Variants in CAMTA1 observed in about 807,000 individuals in gnomAD.
The protein encoded by CAMTA1 is calmodulin binding transcription activator 1.
Under a neutral mutation model 170.9 loss-of-function variants are expected in CAMTA1, and 27 were observed. That is an observed-to-expected ratio of 0.16 (90% CI 0.12 to 0.22). The LOEUF is 0.22. CAMTA1 is among the 10% of genes least tolerant of loss of function. The pLI, the probability that CAMTA1 is intolerant of heterozygous loss-of-function variation, is 1.00. For missense variants in CAMTA1, 1,619 were observed against 2,217.2 expected (o/e 0.73, Z 5.42); for synonymous variants, 833 against 891.5 (o/e 0.93, Z 1.17).
chr1:7,628,533 C>T (rs1466035450), intron 6 of CAMTA1, among the ~76,000 whole-genome samples: 1 of 152,262 alleles, frequency 6.6e-6, no homozygotes, highest in Non-Finnish European at 1.5e-5. Flanking sequence ...TAGCACCTCT[C>T]AGTCCAGCAG....
At chr1:7,645,671 A>C (rs1182869065) in intron 7 of CAMTA1, among the ~76,000 whole-genome samples, 1 of 152,182 alleles carries the variant, frequency 6.6e-6, no homozygotes, top group Non-Finnish European at 1.5e-5. Context: ...GTTTAGCTCC[A>C]CCCTGCCTGC....
At chr1:7,021,077 G>T (rs1297763749) in intron 3 of CAMTA1, among the ~76,000 whole-genome samples, 1 of 152,244 alleles carries the variant, frequency 6.6e-6, no homozygotes, top group East Asian at 1.9e-4. Context: ...GACCTGCCCG[G>T]GGGCTCCATG....
intron 5 of CAMTA1, among the ~76,000 whole-genome samples, chr1:7,398,191 CTCTATATATATATATATATA>C (rs1327845184): frequency 1.4e-3 from 38 of 26,902 alleles, no homozygotes; most frequent in African/African-American, 5.6e-3. Flanking sequence ...CTCTCTCTCT[CTCTATATATATATATATATA>C]TATATATATA....
At chr1:6,995,130 A>G (rs1373786233) in intron 3 of CAMTA1, among the ~76,000 whole-genome samples, 7 of 151,920 alleles carry the variant, frequency 4.6e-5, no homozygotes, top group Admixed American at 4.6e-4. Context: ...AAAAAAATAA[A>G]TCACCAAGGC....
intron 3 of CAMTA1, among the ~76,000 whole-genome samples, chr1:6,912,998 G>A (rs1169893391): frequency 6.6e-6 from 1 of 152,182 alleles, no homozygotes; most frequent in Non-Finnish European, 1.5e-5. Context: ...GCACCTCCCT[G>A]TTTTTGGCTA....
chr1:7,727,247 T>C lies in CAMTA1; in HGVS notation c.2915-5201T>C, dbSNP rs373719096. On this transcript the variant is annotated intron_variant, in intron 11 of 22. Coordinates refer to ENST00000303635, the MANE Select transcript of CAMTA1 (RefSeq NM_015215.4). ...ACGCCATTCTCCTGCCTCAGCCTCC[T>C]GAGTAGCTGGAACTACAGGCGCCCG... 2.6e-5 allele frequency among the ~76,000 whole-genome samples: 4 copies of C among 151,624 alleles called. No individual in the cohort carries two copies. In the East Asian group the frequency reaches 7.8e-4, roughly 30 times the overall value.
intron 6 of CAMTA1, among the ~76,000 whole-genome samples, chr1:7,480,813 C>G (rs952217347): frequency 1.3e-5 from 2 of 152,136 alleles, no homozygotes; most frequent in African/African-American, 4.8e-5. Context: ...CAACTGTATG[C>G]TAGTGACTCC....
chr1:7,706,122 C>T (rs2149588211), intron 11 of CAMTA1, among the ~76,000 whole-genome samples: 1 of 152,330 alleles, frequency 6.6e-6, no homozygotes, highest in East Asian at 1.9e-4. Flanking sequence ...TCTTCTTAAT[C>T]AGTTGCCTCA....
Position 7,391,779 on chromosome 1 carries a change from T to C in CAMTA1, c.439-76051T>C, listed in dbSNP as rs1422387960. On this transcript the variant is annotated intron_variant, in intron 5 of 22. Coordinates refer to ENST00000303635, the MANE Select transcript of CAMTA1 (RefSeq NM_015215.4). ...CATACAGGATGTGGCCTTTTGAGTC[T>C]GGCTTCTTTCGCCAGACATAATGAT... Among the ~76,000 whole-genome samples, 4 of 152,242 alleles carry C rather than the reference T, an allele frequency of 2.6e-5. No homozygotes were observed. The East Asian group carries it at 7.7e-4, about 29-fold the overall frequency.
At chr1:7,387,686 G>A (rs145374880) in intron 5 of CAMTA1, among the ~76,000 whole-genome samples, 132 of 152,296 alleles carry the variant, frequency 8.7e-4, no homozygotes, top group African/African-American at 3.0e-3. Context: ...AAATGTGCAC[G>A]GTGTAAAAAT....
chr1:7,311,562 T>C (rs1464834554), intron 5 of CAMTA1, among the ~76,000 whole-genome samples: 1 of 152,246 alleles, frequency 6.6e-6, no homozygotes, highest in Non-Finnish European at 1.5e-5. Flanking sequence ...CTTTGCCAGA[T>C]AATTCTACCA....
intron 4 of CAMTA1, among the ~76,000 whole-genome samples, chr1:7,172,676 G>A (rs1024791661): frequency 6.6e-6 from 1 of 152,216 alleles, no homozygotes; most frequent in Non-Finnish European, 1.5e-5. Context: ...CTGGGCAGCT[G>A]AGCCTCTCAG....
Position 7,415,178 on chromosome 1 carries a change from A to T in CAMTA1, c.439-52652A>T, listed in dbSNP as rs552523440. Among the ~76,000 whole-genome samples, 429 of 152,008 alleles carry T rather than the reference A, an allele frequency of 2.8e-3. 5 individuals are homozygous for T. The highest frequency in any genetic ancestry group is 6.8e-3 in the East Asian group (35 of 5,164). Reference sequence around the variant, plus strand: ...TTTGCTGAGGAGTGCTTTACTTCCAACTATGTGGTCAATTTTGGAATAGGT... The same window carrying T: ...TTTGCTGAGGAGTGCTTTACTTCCATCTATGTGGTCAATTTTGGAATAGGT... On this transcript the variant is annotated intron_variant, in intron 5 of 22. Coordinates refer to ENST00000303635, the MANE Select transcript of CAMTA1 (RefSeq NM_015215.4).
chr1:7,097,881 T>C (rs1445089217), intron 4 of CAMTA1, among the ~76,000 whole-genome samples: 11 of 152,076 alleles, frequency 7.2e-5, no homozygotes, highest in Admixed American at 7.2e-4. Context: ...TAGTGTTTAA[T>C]GGGTACAGCG....
At position 7,580,631 on chromosome 1, in the gene CAMTA1, C is replaced by T. The variant is rs1464225786; in HGVS notation, c.511-59769C>T. Among the ~76,000 whole-genome samples the T allele has an allele frequency of 2.6e-5, 4 of 152,144 alleles. No individual in the cohort carries two copies. The highest frequency in any genetic ancestry group is 2.1e-4 in the South Asian group (1 of 4,816). On this transcript the variant is annotated intron_variant, in intron 6 of 22. Coordinates refer to ENST00000303635, the MANE Select transcript of CAMTA1 (RefSeq NM_015215.4). This position sits in a 1 kb window ranked among gnomAD's most constrained non-coding sequence, Gnocchi z 4.3. ...CGTGTCAGAGACTGATAATACTGCT[C>T]ATTCTCGGTGGCACCAAAGGTCCCT...
At chr1:7,480,291 G>A (rs188048349) in intron 6 of CAMTA1, among the ~76,000 whole-genome samples, 137 of 149,958 alleles carry the variant, frequency 9.1e-4, no homozygotes, top group Non-Finnish European at 1.2e-3. Context: ...GTATGAGTGC[G>A]TGTGTGTATG....
intron 6 of CAMTA1, among the ~76,000 whole-genome samples, chr1:7,587,687 G>C (rs998377603): frequency 2.0e-5 from 3 of 152,048 alleles, no homozygotes. Flanking sequence ...TTAGAGATGA[G>C]AACCTCAGAT....
Position 7,766,804 on chromosome 1 carries a change from C to T in CAMTA1, c.*313C>T, listed in dbSNP as rs2097027515. ...GGAATTGAAAGAGGCTTCCTCTTCT[C>T]AGGAAGAAGCCATTTCCTTCTCATA... is the stretch of plus-strand genomic sequence containing the variant. On this transcript the variant is annotated 3_prime_UTR_variant, in exon 23 of 23. Coordinates refer to ENST00000303635, the MANE Select transcript of CAMTA1 (RefSeq NM_015215.4). The T allele has an allele frequency of 2.7e-6, 1 of 365,134 alleles. No individual in the cohort carries two copies. The highest frequency in any genetic ancestry group is 2.0e-5 in the African/African-American group (1 of 49,158). 22.6% of individuals were successfully genotyped at this position (365,134 alleles called of 1,614,324 possible).
intron 5 of CAMTA1, among the ~76,000 whole-genome samples, chr1:7,453,569 C>T (rs1019298755): frequency 1.3e-5 from 2 of 152,222 alleles, no homozygotes; most frequent in African/African-American, 4.8e-5. Context: ...AACAGGCCTT[C>T]CCTGGTCCCC....
Sources: gnomAD v4.1 joint callset for allele counts (sites outside exome capture counted in the v4.1 genomes callset) on GRCh38, gnomAD v4.1.1 for gene constraint, Gnocchi (gnomAD v3.1) non-coding constraint, MANE v1.5 for transcripts, NCBI Gene and HGNC (gene_info 2026-07-23, HGNC 2026-07-21) for gene names.